SUGCT: variants seen among roughly 807,000 people sequenced by gnomAD.
SUGCT encodes the protein succinyl-CoA:glutarate CoA-transferase.
SUGCT carries 41 observed loss-of-function variants against 55.0 expected under a neutral mutation model. That is an observed-to-expected ratio of 0.74 (90% CI 0.58 to 0.97). The LOEUF (loss-of-function observed/expected upper bound fraction) is 0.97. Among genes scored for constraint, SUGCT ranks in the 50% least tolerant of loss-of-function variants. SUGCT has a pLI of 0.00. For synonymous variants in SUGCT, 187 were observed against 200.4 expected (o/e 0.93, Z 0.56); for missense variants, 568 against 547.8 (o/e 1.04, Z -0.37).
intron 11 of SUGCT, among the ~76,000 whole-genome samples, chr7:40,488,851 T>C (rs1267544898): frequency 2.0e-5 from 3 of 152,180 alleles, no homozygotes; most frequent in Admixed American, 6.5e-5. Flanking sequence ...TGAAAGTTGC[T>C]TATATGTTAA....
chr7:40,209,283 A>G (rs1490201510), intron 6 of SUGCT, among the ~76,000 whole-genome samples: 1 of 152,038 alleles, frequency 6.6e-6, no homozygotes, highest in Non-Finnish European at 1.5e-5. Flanking sequence ...CAGGAGGATC[A>G]CCTGAGGAGG....
chr7:40,287,787 T>C (rs1163983732), intron 8 of SUGCT, among the ~76,000 whole-genome samples: 1 of 152,150 alleles, frequency 6.6e-6, no homozygotes, highest in Non-Finnish European at 1.5e-5. Context: ...GCATGAGCCA[T>C]AGTGCCTGGC....
At chr7:40,242,926 TATATATA>T (rs1369362633) in intron 7 of SUGCT, among the ~76,000 whole-genome samples, 4 of 33,686 alleles carry the variant, frequency 1.2e-4, no homozygotes, top group Admixed American at 3.7e-4. Context: ...TATATATATA[TATATATA>T]TTTTTTTTTT....
At chr7:40,181,819 C>A in intron 2 of SUGCT, 136 bp from the exon 3 acceptor site, 1 of 571,014 alleles carries the variant, frequency 1.8e-6, no homozygotes, top group Non-Finnish European at 3.1e-6. Context: ...TTACATATGG[C>A]CAAATTACAG....
intron 9 of SUGCT, among the ~76,000 whole-genome samples, chr7:40,439,064 G>GTA (rs1183426693): frequency 2.9e-3 from 80 of 27,158 alleles, no homozygotes; most frequent in East Asian, 0.012. Context: ...TATATATGGT[G>GTA]TATATATATA....
At chr7:40,411,785 A>G (rs1289469998) in intron 9 of SUGCT, among the ~76,000 whole-genome samples, 1 of 152,226 alleles carries the variant, frequency 6.6e-6, no homozygotes, top group East Asian at 1.9e-4. Flanking sequence ...GAATGATCCT[A>G]CCATACAGTA....
chr7:40,782,905 A>C (rs1789827111), intron 13 of SUGCT, among the ~76,000 whole-genome samples: 1 of 152,130 alleles, frequency 6.6e-6, no homozygotes, highest in Admixed American at 6.5e-5. Flanking sequence ...TAACCCTTCT[A>C]ACCACTGGTT....
downstream of SUGCT, among the ~76,000 whole-genome samples, chr7:40,865,426 A>C (rs182256590): frequency 5.1e-4 from 78 of 152,256 alleles, no homozygotes; most frequent in African/African-American, 1.7e-3. Flanking sequence ...AAACACAGGG[A>C]AAGAAATGAA....
At chr7:40,644,312 C>G (rs1489294972) in intron 12 of SUGCT, among the ~76,000 whole-genome samples, 1 of 152,120 alleles carries the variant, frequency 6.6e-6, no homozygotes, top group South Asian at 2.1e-4. Context: ...AGATCCTGTC[C>G]CCTTGAATGT....
intron 13 of SUGCT, among the ~76,000 whole-genome samples, chr7:40,818,436 A>T (rs1249145285): frequency 6.6e-6 from 1 of 152,260 alleles, no homozygotes; most frequent in Non-Finnish European, 1.5e-5. Context: ...TAGCCAGGGA[A>T]ACAAAGTAAT....
intron 13 of SUGCT, among the ~76,000 whole-genome samples, chr7:40,832,465 C>T (rs1372558083): frequency 6.6e-6 from 1 of 151,844 alleles, no homozygotes; most frequent in African/African-American, 2.4e-5. Context: ...TTTTAGTGTT[C>T]TGCACCAAAC....
intron 8 of SUGCT, among the ~76,000 whole-genome samples, chr7:40,301,615 A>T (rs1288049461): frequency 6.6e-6 from 1 of 152,228 alleles, no homozygotes; most frequent in East Asian, 1.9e-4. Flanking sequence ...TGTACTGTGT[A>T]GTCTAGTGAG....
chr7:40,719,442 A>T (rs947563435), intron 12 of SUGCT, among the ~76,000 whole-genome samples: 1 of 152,174 alleles, frequency 6.6e-6, no homozygotes, highest in Non-Finnish European at 1.5e-5. Flanking sequence ...TTGTTCCCAC[A>T]TTGGATTCTT....
At position 40,605,619 on chromosome 7, in the gene SUGCT, C is replaced by T. The variant is rs6956367; in HGVS notation, c.1089+109233C>T. 8.2e-3 allele frequency among the ~76,000 whole-genome samples: 1,242 copies of T among 152,132 alleles called. 15 individuals are homozygous for T. The highest frequency in any genetic ancestry group is 0.025 in the African/African-American group (1,049 of 41,492). On this transcript the variant is annotated intron_variant, in intron 12 of 13. Transcript: ENST00000335693. ...AGAAATGGAGGAGAAAAGAGAATAC[C>T]TACAATCTTGAGAAACTCCGTCCAG...
intron 12 of SUGCT, among the ~76,000 whole-genome samples, chr7:40,551,857 A>G (rs1795314934): frequency 6.6e-6 from 1 of 152,204 alleles, no homozygotes; most frequent in Non-Finnish European, 1.5e-5. Flanking sequence ...CCTGAGGAAG[A>G]CAGTCAGAGT....
At chr7:40,336,870 T>C (rs1259222685) in intron 9 of SUGCT, among the ~76,000 whole-genome samples, 2 of 149,020 alleles carry the variant, frequency 1.3e-5, no homozygotes, top group East Asian at 3.9e-4. Flanking sequence ...TTTCCTGCTT[T>C]GTCTTGTGGG....
rs7807456 is a variant in SUGCT, at chr7:40,195,324, C to T, written c.484+264C>T. Among the ~76,000 whole-genome samples, 8,506 of 150,066 alleles carry T rather than the reference C, an allele frequency of 0.057. 736 individuals carry two copies. Among genetic ancestry groups the T allele is most frequent in the African/African-American group, 0.19 (7,732 of 40,686 alleles). Reference sequence around the variant, plus strand: ...GCAACCTCTGACTCCCTGGTTCAAGCGATTCTTCTGCCTTAGCCTCCTGAG... The same window carrying T: ...GCAACCTCTGACTCCCTGGTTCAAGTGATTCTTCTGCCTTAGCCTCCTGAG... On this transcript the variant is annotated intron_variant, in intron 6 of 13. Coordinates refer to ENST00000335693, the MANE Select transcript of SUGCT (RefSeq NM_001193313.2).
At chr7:41,028,368 A>G in the SUGCT span, among the ~76,000 whole-genome samples, 3 of 152,262 alleles carry the variant, frequency 2.0e-5, no homozygotes, top group South Asian at 2.1e-4. Flanking sequence ...TGAGAGGACT[A>G]ACAGCATCAC....
At chr7:40,659,143 A>G (rs1332051170) in intron 12 of SUGCT, among the ~76,000 whole-genome samples, 1 of 152,206 alleles carries the variant, frequency 6.6e-6, no homozygotes, top group Non-Finnish European at 1.5e-5. Context: ...AATATGCAGG[A>G]CAGATCAACT....
Sources: allele counts gnomAD v4.1 joint callset (sites outside exome capture counted in the v4.1 genomes callset), GRCh38; gene constraint gnomAD v4.1.1; transcripts MANE v1.5; gene names NCBI Gene and HGNC (gene_info 2026-07-23, HGNC 2026-07-21).